The following SPATA16 variants were observed in gnomAD, a reference collection of about 807,000 sequenced individuals.
The protein encoded by SPATA16 is spermatogenesis associated 16.
SPATA16 carries 36 observed loss-of-function variants against 63.3 expected under a neutral mutation model. The observed-to-expected ratio is 0.57, with a 90% CI of 0.44 to 0.75. SPATA16 has a LOEUF of 0.75. SPATA16 is among the 30% of genes least tolerant of loss of function. SPATA16 has a pLI of 0.00. For synonymous variants in SPATA16, 203 were observed against 216.7 expected (o/e 0.94, Z 0.56); for missense variants, 646 against 679.3 (o/e 0.95, Z 0.54).
intron 3 of SPATA16, among the ~76,000 whole-genome samples, chr3:173,041,559 A>G (rs1735840876): frequency 6.6e-6 from 1 of 152,158 alleles, no homozygotes; most frequent in Non-Finnish European, 1.5e-5. Flanking sequence ...TGTGTTCCCA[A>G]TTATTATCCC....
intron 5 of SPATA16, among the ~76,000 whole-genome samples, chr3:172,968,662 CAGA>C (rs1256613310): frequency 1.3e-5 from 2 of 152,164 alleles, no homozygotes; most frequent in African/African-American, 2.4e-5. Context: ...AGAACATCAA[CAGA>C]AGAACTACAC....
chr3:172,896,596 T>G (rs1490515211), intron 10 of SPATA16, among the ~76,000 whole-genome samples: 2 of 152,254 alleles, frequency 1.3e-5, no homozygotes, highest in African/African-American at 4.8e-5. Flanking sequence ...AATTTCTCTG[T>G]GTCCTTACCA....
chr3:173,074,567 T>G (rs1736743515), intron 2 of SPATA16, among the ~76,000 whole-genome samples: 1 of 152,148 alleles, frequency 6.6e-6, no homozygotes. Flanking sequence ...CCACCATGAT[T>G]GTGAGACCCC....
chr3:173,098,968 A>G (rs373860162), intron 2 of SPATA16, among the ~76,000 whole-genome samples: 1 of 152,116 alleles, frequency 6.6e-6, no homozygotes, highest in African/African-American at 2.4e-5. Context: ...CAACCAACCA[A>G]ACAAACAAAA....
intron 2 of SPATA16, among the ~76,000 whole-genome samples, chr3:173,074,859 A>G (rs1736752788): frequency 6.6e-6 from 1 of 151,952 alleles, no homozygotes; most frequent in Non-Finnish European, 1.5e-5. Context: ...TTAGCCGGGC[A>G]TAGTGGCGTA....
At chr3:172,899,793 T>C (rs1732086533) in intron 10 of SPATA16, among the ~76,000 whole-genome samples, 1 of 152,122 alleles carries the variant, frequency 6.6e-6, no homozygotes, top group Non-Finnish European at 1.5e-5. Flanking sequence ...TTTTTGAGTA[T>C]TTGCTCTAGA....
chr3:173,110,098 A>T (rs1382621036), intron 2 of SPATA16, among the ~76,000 whole-genome samples: 2 of 152,152 alleles, frequency 1.3e-5, no homozygotes, highest in Non-Finnish European at 2.9e-5. Context: ...CATTTTCCAA[A>T]TTTTTTAAAA....
intron 2 of SPATA16, among the ~76,000 whole-genome samples, chr3:173,103,615 G>C (rs942887906): frequency 6.6e-6 from 1 of 152,238 alleles, no homozygotes; most frequent in Non-Finnish European, 1.5e-5. Flanking sequence ...AGTGTCCTGA[G>C]GCTGTGCAGG....
In SPATA16 at chr3:172,925,512, G is replaced by T. The variant is rs1471577060; in HGVS notation, c.1082-20C>A. On this transcript the variant is annotated intron_variant, in intron 6 of 10. Coordinates refer to ENST00000351008, the MANE Select transcript of SPATA16 (RefSeq NM_031955.6). ...GAAGATCTGAAATATGACAGAAAGA[G>T]AACTAAGAGGCTTTGTTATGGTTTT... 3.7e-6 allele frequency: 6 copies of T among 1,613,684 alleles called. No individual in the cohort carries two copies. Among genetic ancestry groups the T allele is most frequent in the Admixed American group, 1.7e-5 (1 of 59,988 alleles).
At chr3:173,080,317 C>A (rs1736895280) in intron 2 of SPATA16, among the ~76,000 whole-genome samples, 1 of 152,138 alleles carries the variant, frequency 6.6e-6, no homozygotes, top group Admixed American at 6.5e-5. Flanking sequence ...TAGTTAGGGA[C>A]TAGGCAAAGA....
chr3:173,074,989 T>C (rs1216093648), intron 2 of SPATA16, among the ~76,000 whole-genome samples: 1 of 82,644 alleles, frequency 1.2e-5, no homozygotes, highest in Non-Finnish European at 2.1e-5. Flanking sequence ...CAAGACTCTA[T>C]CTCAAAAAAA....
intron 3 of SPATA16, among the ~76,000 whole-genome samples, chr3:173,038,643 C>A (rs1001725352): frequency 6.6e-6 from 1 of 151,994 alleles, no homozygotes; most frequent in African/African-American, 2.4e-5. Context: ...CCCATGGGGA[C>A]CATCAAAATA....
chr3:173,076,798 G>A (rs928027429), intron 2 of SPATA16, among the ~76,000 whole-genome samples: 1 of 152,036 alleles, frequency 6.6e-6, no homozygotes, highest in Non-Finnish European at 1.5e-5. Context: ...TTTTATCACT[G>A]TACCCTAAAG....
At chr3:172,945,830 A>G (rs996675361) in intron 6 of SPATA16, among the ~76,000 whole-genome samples, 1 of 152,152 alleles carries the variant, frequency 6.6e-6, no homozygotes, top group African/African-American at 2.4e-5. Context: ...GACCTCAATT[A>G]TTGGGTAAGT....
At chr3:173,024,088 T>C (rs1207794167) in intron 3 of SPATA16, among the ~76,000 whole-genome samples, 1 of 151,398 alleles carries the variant, frequency 6.6e-6, no homozygotes, top group African/African-American at 2.4e-5. Context: ...ACTACATGTA[T>C]GCACAATAGG....
At chr3:173,139,034 A>G (rs1738628139) in intron 1 of SPATA16, among the ~76,000 whole-genome samples, 2 of 152,208 alleles carry the variant, frequency 1.3e-5, no homozygotes, top group Admixed American at 6.5e-5. Context: ...TGGAATTCTG[A>G]TATCAGTCAT....
intron 2 of SPATA16, among the ~76,000 whole-genome samples, chr3:173,075,415 A>G (rs1225110289): frequency 5.9e-5 from 9 of 152,176 alleles, no homozygotes; most frequent in Admixed American, 5.9e-4. Context: ...TGACCTAGCA[A>G]TCCCACTGCT....
chr3:173,085,189 TGAG>T (rs1300006150), intron 2 of SPATA16, among the ~76,000 whole-genome samples: 1 of 152,198 alleles, frequency 6.6e-6, no homozygotes, highest in African/African-American at 2.4e-5. Flanking sequence ...CTGATTTTCT[TGAG>T]GAGTGGTTTG....
Position 173,033,242 on chromosome 3 carries a change from A to AT in SPATA16, c.759-13668dup, listed in dbSNP as rs910684873. ...TTGTAGACTGTAATTGTGTCTTTCC[A>AT]TTTTTTCTTTCATCTGTCAAATGCC... On this transcript the variant is annotated intron_variant, in intron 3 of 10. Transcript: ENST00000351008. 2.0e-5 allele frequency among the ~76,000 whole-genome samples: 3 copies of AT among 152,184 alleles called. No individual in the cohort carries two copies. In the East Asian group the frequency reaches 5.8e-4, roughly 29 times the overall value.
Sources: allele counts gnomAD v4.1 joint callset (sites outside exome capture counted in the v4.1 genomes callset), GRCh38; gene constraint gnomAD v4.1.1; transcripts MANE v1.5; gene names NCBI Gene and HGNC (gene_info 2026-07-23, HGNC 2026-07-21).